Variants in RTEL1 observed in about 807,000 individuals in gnomAD.
RTEL1 encodes the protein regulator of telomere length.
Under a neutral mutation model 162.2 loss-of-function variants are expected in RTEL1, and 86 were observed. That is an observed-to-expected ratio of 0.53 (90% CI 0.45 to 0.63). The LOEUF is 0.63. Among genes scored for constraint, RTEL1 ranks in the 30% least tolerant of loss-of-function variants. The pLI is 0.00. For synonymous variants in RTEL1, 958 were observed against 717.9 expected, an observed-to-expected ratio of 1.33 and a Z score of -5.35; for missense variants, 1,941 against 1,750.2, an observed-to-expected ratio of 1.11 and a Z score of -1.95.
chr20:63,692,156 T>G, intron 28 of RTEL1: 1 of 286,528 alleles, frequency 3.5e-6, no homozygotes, highest in Admixed American at 4.9e-5. Context: ...AGCCCATTCC[T>G]AGCCTTGGAT....
chr20:63,689,187 C>T, intron 22 of RTEL1, 55 bp downstream of exon 22: 1 of 1,527,860 alleles, frequency 6.5e-7, no homozygotes, highest in Non-Finnish European at 9.0e-7. Flanking sequence ...CTGGTGGGTG[C>T]TTATGGCTCC....
chr20:63,674,595 G>T (rs781152375), intron 10 of RTEL1, among the ~76,000 whole-genome samples: 1 of 152,176 alleles, frequency 6.6e-6, no homozygotes, highest in African/African-American at 2.4e-5. Flanking sequence ...AAGCTTTTCC[G>T]GAGGCCGAAG....
At chr20:63,686,363 G>A (rs571355985) in intron 16 of RTEL1, 2 of 187,308 alleles carry the variant, frequency 1.1e-5, no homozygotes, top group South Asian at 9.6e-5. Context: ...TCTTCGAGTC[G>A]GTGCTGCCGG....
At chr20:63,688,764 CTCTTA>C (rs2090654712) in intron 21 of RTEL1, 159 bp downstream of exon 21, 1 of 682,330 alleles carries the variant, frequency 1.5e-6, no homozygotes, top group South Asian at 1.9e-5. Flanking sequence ...TGAGTGTTGC[CTCTTA>C]TCTTACAAAG....
intron 10 of RTEL1, among the ~76,000 whole-genome samples, chr20:63,676,919 G>A (rs1327112802): frequency 4.0e-5 from 6 of 149,816 alleles, no homozygotes; most frequent in African/African-American, 1.5e-4. Context: ...TGGCGACAGA[G>A]CGAGACTCCG....
At chr20:63,666,227 C>T in intron 7 of RTEL1, 148 bp downstream of exon 7, 1 of 692,566 alleles carries the variant, frequency 1.4e-6, no homozygotes. Context: ...AAAGTTTAAG[C>T]AGCTCTGAGG....
intron 10 of RTEL1, among the ~76,000 whole-genome samples, chr20:63,675,586 TC>T (rs1341164810): frequency 1.3e-5 from 2 of 152,112 alleles, no homozygotes; most frequent in Admixed American, 6.5e-5. Context: ...CAATCAAAGT[TC>T]CCTGTAGCCT....
At chr20:63,674,121 C>T (rs758106918) in intron 10 of RTEL1, 28 bp downstream of exon 10, 4 of 1,586,406 alleles carry the variant, frequency 2.5e-6, no homozygotes, top group Non-Finnish European at 3.4e-6. Flanking sequence ...CTGCTTGGTC[C>T]TGAGGCCTGC....
chr20:63,681,465 TGCTG>T, intron 14 of RTEL1: 1 of 985,298 alleles, frequency 1.0e-6, no homozygotes, highest in South Asian at 4.7e-5. Context: ...ACGCTGTACC[TGCTG>T]GCCACACGAG....
At chr20:63,681,569 C>T (rs912553055) in intron 14 of RTEL1, 23 of 985,074 alleles carry the variant, frequency 2.3e-5, no homozygotes, top group Non-Finnish European at 2.7e-5. Context: ...TGGGGGAGGC[C>T]GCAGAAGAAC....
rs369694643 is a variant in RTEL1, at chr20:63,690,223, C to G, written c.2265+13C>G. On this transcript the variant is annotated intron_variant, in intron 25 of 34. Coordinates refer to ENST00000360203, the MANE Select transcript of RTEL1 (RefSeq NM_001283009.2). ...TGCCGAGCGAACTGTGAGTTCCTGC[C>G]CAGGGAGGGGATGAGGGTGTTGTCC... is the stretch of plus-strand genomic sequence containing the variant. 466 of 1,611,330 alleles carry G rather than the reference C, an allele frequency of 2.9e-4. 1 individual carries two copies. Among genetic ancestry groups the G allele is most frequent in the Non-Finnish European group, 3.8e-4 (444 of 1,179,046 alleles).
rs777637767 is a variant in RTEL1 at position 63,692,894 on chromosome 20, C to A, written c.2742C>A (p.Thr914=). 5.6e-6 allele frequency: 9 copies of A among 1,612,540 alleles called. No homozygotes were observed. Among genetic ancestry groups the A allele is most frequent in the Non-Finnish European group, 7.6e-6 (9 of 1,179,876 alleles). The change falls in exon 29 of 35, where the codon ACC becomes ACA. Residue 914 remains threonine (T), a synonymous_variant. Transcript: ENST00000360203. The part of the protein sequence containing the change: ...KQELSQANFA[T]FTQALQDYKG... Reference sequence around the variant, plus strand: ...AGTTGAGCCAAGCCAACTTTGCCACCTTCACCCAGGCCCTGCAGGACTACA... The same window carrying A: ...AGTTGAGCCAAGCCAACTTTGCCACATTCACCCAGGCCCTGCAGGACTACA...
intron 14 of RTEL1, among the ~76,000 whole-genome samples, chr20:63,685,046 T>G (rs1254871900): frequency 7.8e-6 from 1 of 127,586 alleles, no homozygotes. Context: ...CCCGGCTAGG[T>G]TTTTTTTTTT....
chr20:63,692,814 G>C lies in RTEL1; in HGVS notation c.2662G>C (p.Val888Leu), dbSNP rs200505378. The change falls in exon 29 of 35, where the codon GTG (valine) becomes CTG (leucine). Residue 888 changes from valine (V) to leucine (L), a missense_variant. Coordinates refer to ENST00000360203, the MANE Select transcript of RTEL1 (RefSeq NM_001283009.2). Reference sequence around the variant, plus strand: ...GGCCTGTGTCCTGCAGGAGGAGCCCGTGGCTGGTGCACAGACGGACAGGGC... The same window carrying C: ...GGCCTGTGTCCTGCAGGAGGAGCCCCTGGCTGGTGCACAGACGGACAGGGC... ...IRLVSHPEEP[V>L]AGAQTDRAKL... The C allele has an allele frequency of 3.2e-4, 518 of 1,610,786 alleles. 6 individuals are homozygous for C. The South Asian group carries it at 5.4e-3, about 17-fold the overall frequency.
chr20:63,687,439 C>A, intron 16 of RTEL1, 199 bp from the exon 17 acceptor site: 1 of 602,072 alleles, frequency 1.7e-6, no homozygotes, highest in Admixed American at 3.4e-5. Flanking sequence ...CCCTGTCCCC[C>A]AGAGGGGCCC....
At chr20:63,660,117 C>T (rs1279276418) in intron 2 of RTEL1, among the ~76,000 whole-genome samples, 1 of 152,198 alleles carries the variant, frequency 6.6e-6, no homozygotes, top group Non-Finnish European at 1.5e-5. Flanking sequence ...GGCGGCTTTT[C>T]TCCTATCTCA....
At chr20:63,681,774 G>C in intron 14 of RTEL1, 1 of 985,366 alleles carries the variant, frequency 1.0e-6, no homozygotes, top group Non-Finnish European at 1.2e-6. Context: ...TCTGTGGCCA[G>C]TGACGCCACA....
intron 30 of RTEL1, among the ~76,000 whole-genome samples, chr20:63,693,612 TCCACCTCCA>T (rs1568721172): frequency 7.4e-3 from 20 of 2,712 alleles, no homozygotes; most frequent in East Asian, 0.015. Context: ...CACCACCACC[TCCACCTCCA>T]CCACCACCTC....
Position 63,659,334 on chromosome 20 carries a change from GTTT to G in RTEL1, c.-65_-63del, listed in dbSNP as rs2089971595. ...CCGAGACCCTAAGATGTTCGGAGTG[GTTT>G]TTTCGCACAGACCCGAATAGCCTGC... On this transcript the variant is annotated 5_prime_UTR_variant, in exon 2 of 35. Transcript: ENST00000360203. 2.6e-5 allele frequency: 30 copies of G among 1,166,554 alleles called. No individual in the cohort carries two copies. The South Asian group carries it at 3.6e-4, about 14-fold the overall frequency. 72.3% of individuals were successfully genotyped at this position (1,166,554 alleles called of 1,614,324 possible).
Sources: gnomAD v4.1 joint callset for allele counts (sites outside exome capture counted in the v4.1 genomes callset) on GRCh38, gnomAD v4.1.1 for gene constraint, MANE v1.5 for transcripts, NCBI Gene and HGNC (gene_info 2026-07-23, HGNC 2026-07-21) for gene names.